The following CDH18 variants were observed in gnomAD, a reference collection of about 807,000 sequenced individuals.
CDH18 encodes the protein cadherin-18.
Under a neutral mutation model 67.9 loss-of-function variants are expected in CDH18, and 31 were observed. The ratio of observed to expected loss-of-function variants is 0.46; its 90% CI spans 0.34 to 0.62. CDH18 has a LOEUF of 0.62. Among genes scored for constraint, CDH18 ranks in the 20% least tolerant of loss-of-function variants. CDH18 has a pLI of 0.01. For synonymous variants in CDH18, 362 were observed against 347.2 expected, an observed-to-expected ratio of 1.04 and a Z score of -0.48; for missense variants, 890 against 975.5, an observed-to-expected ratio of 0.91 and a Z score of 1.17.
intron 2 of CDH18, among the ~76,000 whole-genome samples, chr5:19,967,686 T>C (rs1403645950): frequency 6.6e-6 from 1 of 152,124 alleles, no homozygotes; most frequent in Non-Finnish European, 1.5e-5. Flanking sequence ...GTATCCTACG[T>C]ATCTCAAAAT....
chr5:19,566,388 A>C (rs1316777651), intron 8 of CDH18, among the ~76,000 whole-genome samples: 1 of 152,236 alleles, frequency 6.6e-6, no homozygotes, highest in Non-Finnish European at 1.5e-5. Context: ...ATGAAAAAGA[A>C]AATGTATTAG....
intron 2 of CDH18, among the ~76,000 whole-genome samples, chr5:20,032,771 G>A (rs894756978): frequency 1.3e-5 from 2 of 151,834 alleles, no homozygotes; most frequent in Non-Finnish European, 2.9e-5. Flanking sequence ...CATTTCAATA[G>A]AACATTTTCT....
chr5:19,673,539 T>TA (rs989741004), intron 5 of CDH18, among the ~76,000 whole-genome samples: 5 of 152,070 alleles, frequency 3.3e-5, no homozygotes, highest in African/African-American at 1.2e-4. Flanking sequence ...GAAAGAATTA[T>TA]AAATCATCAG....
rs1023878541 is a variant in CDH18, at chr5:19,511,215, A to G, written c.1513-8106T>C. Among the ~76,000 whole-genome samples the G allele has an allele frequency of 3.9e-5, 6 of 152,050 alleles. No individual in the cohort carries two copies. The South Asian group carries it at 1.2e-3, about 32-fold the overall frequency. ...TGCTTCCCCTTGGCTTTCCCCCGTG[A>G]TTGTAAGTTTCCTGAGGCTTCCCTA... On this transcript the variant is annotated intron_variant, in intron 10 of 12. Transcript: ENST00000382275.
chr5:20,116,497 CAG>C (rs1331051543), intron 2 of CDH18, among the ~76,000 whole-genome samples: 1 of 150,580 alleles, frequency 6.6e-6, no homozygotes, highest in Admixed American at 6.6e-5. Flanking sequence ...GCCTGGGTGA[CAG>C]AGAGAGACTC....
At chr5:19,984,411 A>C (rs1381786293) in intron 1 of CDH18, among the ~76,000 whole-genome samples, 1 of 152,112 alleles carries the variant, frequency 6.6e-6, no homozygotes, top group South Asian at 2.1e-4. Flanking sequence ...ATAAGAAAAA[A>C]ATTGAGGTGT....
At chr5:19,779,235 C>T (rs1299986017) in intron 3 of CDH18, among the ~76,000 whole-genome samples, 1 of 152,022 alleles carries the variant, frequency 6.6e-6, no homozygotes, top group African/African-American at 2.4e-5. Context: ...ATGTGTACAT[C>T]TATAATATTA....
intron 2 of CDH18, among the ~76,000 whole-genome samples, chr5:19,974,335 T>C (rs1579897883): frequency 1.3e-5 from 2 of 151,600 alleles, no homozygotes; most frequent in South Asian, 2.1e-4. Context: ...AGTTCGAGAC[T>C]AGCCTGGCCA....
intron 2 of CDH18, among the ~76,000 whole-genome samples, chr5:20,133,872 A>G (rs1477496599): frequency 6.6e-6 from 1 of 152,148 alleles, no homozygotes; most frequent in Non-Finnish European, 1.5e-5. Context: ...GTTCTTTGAC[A>G]TTATCATTCG....
intron 5 of CDH18, among the ~76,000 whole-genome samples, chr5:19,662,990 C>T (rs1173419842): frequency 6.6e-6 from 1 of 151,922 alleles, no homozygotes; most frequent in Admixed American, 6.6e-5. Flanking sequence ...CTTAAAGTTC[C>T]TGTTTTGTTG....
chr5:19,523,088 G>A (rs1308652890), intron 9 of CDH18, among the ~76,000 whole-genome samples: 5 of 151,810 alleles, frequency 3.3e-5, no homozygotes, highest in African/African-American at 9.7e-5. Context: ...GTGAACGTAC[G>A]GGTTAATCAA....
intron 2 of CDH18, among the ~76,000 whole-genome samples, chr5:19,976,665 C>A (rs1798535365): frequency 6.6e-6 from 1 of 151,808 alleles, no homozygotes; most frequent in South Asian, 2.1e-4. Context: ...TTGGTAGAAT[C>A]CAGAGTGACA....
chr5:20,186,825 A>T (rs1475380210), intron 2 of CDH18, among the ~76,000 whole-genome samples: 1 of 151,932 alleles, frequency 6.6e-6, no homozygotes, highest in Non-Finnish European at 1.5e-5. Flanking sequence ...ACAAGTACTT[A>T]AACAGATATT....
At chr5:19,625,731 G>A (rs1751436560) in intron 5 of CDH18, among the ~76,000 whole-genome samples, 1 of 152,020 alleles carries the variant, frequency 6.6e-6, no homozygotes, top group African/African-American at 2.4e-5. Flanking sequence ...ACAGCCAGAT[G>A]GGAGGGGGTC....
At chr5:19,900,099 T>C (rs1197334609) in intron 2 of CDH18, among the ~76,000 whole-genome samples, 1 of 152,198 alleles carries the variant, frequency 6.6e-6, no homozygotes, top group Non-Finnish European at 1.5e-5. Flanking sequence ...TACATTCTTA[T>C]CACAATTTAA....
chr5:19,534,328 A>G (rs899663764), intron 9 of CDH18, among the ~76,000 whole-genome samples: 2 of 152,178 alleles, frequency 1.3e-5, no homozygotes, highest in Admixed American at 6.5e-5. Flanking sequence ...AACATTTTTA[A>G]TGGCTATGTA....
At chr5:19,746,845 C>A (rs1561210980) in intron 4 of CDH18, 97 bp downstream of exon 4, 1 of 933,104 alleles carries the variant, frequency 1.1e-6, no homozygotes, top group Non-Finnish European at 1.6e-6. Context: ...ATATCCCCTC[C>A]AGATATATAT....
At chr5:20,264,461 A>T (rs765129175) in intron 1 of CDH18, among the ~76,000 whole-genome samples, 61 of 152,076 alleles carry the variant, frequency 4.0e-4, no homozygotes, top group Non-Finnish European at 1.0e-4. Context: ...AATAGCGTGT[A>T]CACATAAATA....
chr5:19,556,276 C>A (rs1738402554), intron 8 of CDH18, among the ~76,000 whole-genome samples: 1 of 151,412 alleles, frequency 6.6e-6, no homozygotes, highest in Admixed American at 6.6e-5. Context: ...AAGACTAAAT[C>A]TCTGAATTGC....
Sources: gnomAD v4.1 joint callset for allele counts (sites outside exome capture counted in the v4.1 genomes callset) on GRCh38, gnomAD v4.1.1 for gene constraint, MANE v1.5 for transcripts, NCBI Gene and HGNC (gene_info 2026-07-23, HGNC 2026-07-21) for gene names.